Variants in GABPB2 observed in about 807,000 individuals in gnomAD.
GABPB2 encodes the protein GA-binding protein subunit beta-2.
GABPB2 carries 23 observed loss-of-function variants against 39.1 expected under a neutral mutation model. The observed-to-expected ratio is 0.59, with a 90% confidence interval of 0.42 to 0.83. The LOEUF is 0.83. Ranked by LOEUF, GABPB2 falls within the 40% of genes least tolerant of loss-of-function variation. The pLI is 0.00. For synonymous variants in GABPB2, 184 were observed against 199.3 expected (o/e 0.92, Z 0.65); for missense variants, 467 against 541.1 (o/e 0.86, Z 1.36).
chr1:151,084,383 C>T (rs1485870748), intron 1 of GABPB2, among the ~76,000 whole-genome samples: 2 of 151,616 alleles, frequency 1.3e-5, no homozygotes, highest in South Asian at 2.1e-4. Flanking sequence ...CCACCATGCC[C>T]GGCTAATTTT....
chr1:151,077,173 A>G (rs1404098664), intron 1 of GABPB2, among the ~76,000 whole-genome samples: 1 of 152,102 alleles, frequency 6.6e-6, no homozygotes, highest in Non-Finnish European at 1.5e-5. Context: ...GGAATCTCAC[A>G]TAAGACTTAC....
intron 1 of GABPB2, among the ~76,000 whole-genome samples, chr1:151,085,076 G>A (rs1678063314): frequency 6.6e-6 from 1 of 151,894 alleles, no homozygotes; most frequent in Non-Finnish European, 1.5e-5. Context: ...CAGCCTGGGT[G>A]ACAGAGCAAG....
intron 1 of GABPB2, among the ~76,000 whole-genome samples, chr1:151,073,791 GC>G (rs1365239653): frequency 2.0e-5 from 3 of 151,622 alleles, no homozygotes; most frequent in African/African-American, 7.3e-5. Context: ...ATGGTGGCGT[GC>G]ATCTGTAGTC....
intron 1 of GABPB2, among the ~76,000 whole-genome samples, chr1:151,079,915 CAAT>C (rs948495442): frequency 6.7e-6 from 1 of 150,182 alleles, no homozygotes; most frequent in East Asian, 2.0e-4. Context: ...AAAATAATAA[CAAT>C]AATAATAATA....
At chr1:151,086,608 C>T (rs1209149142) in intron 1 of GABPB2, among the ~76,000 whole-genome samples, 1 of 152,014 alleles carries the variant, frequency 6.6e-6, no homozygotes, top group East Asian at 1.9e-4. Context: ...GGTCCATAAA[C>T]CATATTTGTT....
At chr1:151,084,944 A>C (rs1015707215) in intron 1 of GABPB2, among the ~76,000 whole-genome samples, 3 of 152,046 alleles carry the variant, frequency 2.0e-5, no homozygotes, top group Non-Finnish European at 4.4e-5. Context: ...AAAAATTTAA[A>C]AAAAAATTAG....
At chr1:151,109,207 T>A (rs1329158632) in intron 7 of GABPB2, among the ~76,000 whole-genome samples, 1 of 150,920 alleles carries the variant, frequency 6.6e-6, no homozygotes, top group Non-Finnish European at 1.5e-5. Context: ...AAAATAAAAA[T>A]GTATATTGGA....
chr1:151,077,601 G>A (rs1450553049), intron 1 of GABPB2, among the ~76,000 whole-genome samples: 5 of 151,376 alleles, frequency 3.3e-5, no homozygotes, highest in Non-Finnish European at 4.4e-5. Context: ...GTGATCCGCC[G>A]CGCCCGGCCA....
intron 3 of GABPB2, among the ~76,000 whole-genome samples, chr1:151,092,784 C>G (rs1181941069): frequency 6.6e-6 from 1 of 151,966 alleles, no homozygotes; most frequent in African/African-American, 2.4e-5. Context: ...ACCATGTTCC[C>G]CAGGTTCATC....
chr1:151,072,755 G>A (rs984806354), intron 1 of GABPB2, among the ~76,000 whole-genome samples: 2 of 152,168 alleles, frequency 1.3e-5, no homozygotes, highest in Admixed American at 6.6e-5. Context: ...GCTGAGGCAG[G>A]AGAATGGCTT....
intron 1 of GABPB2, among the ~76,000 whole-genome samples, chr1:151,074,457 C>T (rs1427902377): frequency 6.6e-6 from 1 of 150,536 alleles, no homozygotes; most frequent in Non-Finnish European, 1.5e-5. Flanking sequence ...ACTGCAGGCC[C>T]CCGCCACCAT....
At chr1:151,076,393 G>GA (rs1163117553) in intron 1 of GABPB2, among the ~76,000 whole-genome samples, 4 of 152,014 alleles carry the variant, frequency 2.6e-5, no homozygotes, top group Admixed American at 6.6e-5. Flanking sequence ...CTAAGTTGCA[G>GA]AAAAAAACTT....
rs35098609 is a variant in GABPB2 at position 151,086,670 on chromosome 1, ATT to A, written c.1-1506_1-1505del. On this transcript the variant is annotated intron_variant, in intron 1 of 8. Transcript: ENST00000368918. ...TTTAATCAGTGAAAGCTTGTTCTTA[ATT>A]TTTTTTTTTTTTTGAGTCAAGATCT... Among the ~76,000 whole-genome samples, 162 of 147,828 alleles carry A rather than the reference ATT, an allele frequency of 1.1e-3. 1 individual carries two copies. Among genetic ancestry groups the A allele is most frequent in the African/African-American group, 2.4e-3 (95 of 39,988 alleles).
intron 7 of GABPB2, among the ~76,000 whole-genome samples, chr1:151,109,353 T>TACACACAA (rs370718064): frequency 1.7e-5 from 2 of 115,354 alleles, no homozygotes; most frequent in Non-Finnish European, 3.3e-5. Flanking sequence ...AATATATATA[T>TACACACAA]ATATATATAT....
At chr1:151,102,693 C>T (rs373235984) in intron 5 of GABPB2, among the ~76,000 whole-genome samples, 18 of 152,134 alleles carry the variant, frequency 1.2e-4, no homozygotes, top group South Asian at 6.2e-4. Flanking sequence ...CCATCCGCCT[C>T]GGCCTCCCAA....
chr1:151,118,147 C>G lies in GABPB2; in HGVS notation c.1238C>G (p.Ala413Gly). 6.2e-7 allele frequency: 1 copy of G among 1,614,098 alleles called. No individual in the cohort carries two copies. Among genetic ancestry groups the G allele is most frequent in the South Asian group, 1.1e-5 (1 of 91,082 alleles). ...GTTGAAGAGGTGGCTGAGGTAGATGCTGTAGTAGTCACAGAGGGGGAGTTG... is the reference window on the plus strand; with the variant it reads ...GTTGAAGAGGTGGCTGAGGTAGATGGTGTAGTAGTCACAGAGGGGGAGTTG... ...TMVEEVAEVD[A>G]VVVTEGELEE... is the part of the protein sequence containing the mutation. Residue 413 changes from alanine (A) to glycine (G), a missense_variant, in exon 9 of 9, where the codon GCT (alanine) becomes GGT (glycine). Transcript: ENST00000368918.
intron 1 of GABPB2, among the ~76,000 whole-genome samples, chr1:151,086,657 A>C (rs1269318788): frequency 7.6e-6 from 1 of 131,360 alleles, no homozygotes; most frequent in Non-Finnish European, 1.6e-5. Flanking sequence ...TAATCAGTGA[A>C]AGCTTGTTCT....
intron 2 of GABPB2, among the ~76,000 whole-genome samples, chr1:151,090,121 T>C (rs1333239328): frequency 6.6e-6 from 1 of 152,032 alleles, no homozygotes; most frequent in Admixed American, 6.6e-5. Flanking sequence ...TTTTGTATTT[T>C]TTAGTTGAGA....
At chr1:151,075,815 C>A (rs1018648136) in intron 1 of GABPB2, among the ~76,000 whole-genome samples, 2 of 152,092 alleles carry the variant, frequency 1.3e-5, no homozygotes, top group Admixed American at 6.6e-5. Context: ...TCACCCAACT[C>A]CTATGCAAGA....
Sources: allele counts gnomAD v4.1 joint callset (sites outside exome capture counted in the v4.1 genomes callset), GRCh38; gene constraint gnomAD v4.1.1; transcripts MANE v1.5; gene names NCBI Gene and HGNC (gene_info 2026-07-23, HGNC 2026-07-21).